The following CLVS1 variants were observed in gnomAD, a reference collection of about 807,000 sequenced individuals.
CLVS1 encodes clavesin 1.
A neutral mutation model predicts 33.1 loss-of-function variants in CLVS1; 10 were observed. That is an observed-to-expected ratio of 0.30 (90% CI 0.19 to 0.51). The LOEUF (loss-of-function observed/expected upper bound fraction) is 0.51. CLVS1 is among the 20% of genes least tolerant of loss of function. The probability of loss-of-function intolerance (pLI) is 0.97; values close to 1 mark genes in which losing one functional copy is unlikely to be tolerated. For missense variants in CLVS1, 343 were observed against 433.4 expected, an observed-to-expected ratio of 0.79 and a Z score of 1.85; for synonymous variants, 163 against 166.1, an observed-to-expected ratio of 0.98 and a Z score of 0.14.
intron 2 of CLVS1, among the ~76,000 whole-genome samples, chr8:61,161,626 G>C (rs1023283486): frequency 6.6e-6 from 1 of 152,156 alleles, no homozygotes; most frequent in African/African-American, 2.4e-5. Context: ...AGAGGAGAAT[G>C]GTATTTCACA....
At chr8:61,109,746 A>G (rs569195866) in intron 1 of CLVS1, among the ~76,000 whole-genome samples, 52 of 152,182 alleles carry the variant, frequency 3.4e-4, no homozygotes, top group Admixed American at 4.6e-4. Context: ...TTAATGGATT[A>G]CGGGTTAAGG....
chr8:61,047,905 C>T, the CLVS1 span, among the ~76,000 whole-genome samples: 3 of 151,942 alleles, frequency 2.0e-5, no homozygotes, highest in African/African-American at 4.8e-5. Context: ...AACTAACTTG[C>T]ACATTGTGCA....
At chr8:61,417,435 G>T (rs1815482240) in intron 3 of CLVS1, among the ~76,000 whole-genome samples, 1 of 151,994 alleles carries the variant, frequency 6.6e-6, no homozygotes, top group African/African-American at 2.4e-5. Context: ...TCCACCTGTT[G>T]GACTTTCTGG....
chr8:61,266,933 C>A (rs1326800498), intron 2 of CLVS1, among the ~76,000 whole-genome samples: 1 of 152,132 alleles, frequency 6.6e-6, no homozygotes, highest in African/African-American at 2.4e-5. Flanking sequence ...TGGTGAATCC[C>A]AATGCTTGTT....
At chr8:61,239,806 T>C (rs1808654294) in intron 2 of CLVS1, among the ~76,000 whole-genome samples, 1 of 152,234 alleles carries the variant, frequency 6.6e-6, no homozygotes, top group East Asian at 1.9e-4. Context: ...GTTTTTATGA[T>C]AAGCTTTCAC....
intron 5 of CLVS1, among the ~76,000 whole-genome samples, chr8:61,486,098 A>AAAAT (rs57652285): frequency 0.013 from 1,882 of 150,288 alleles, 11 homozygotes; most frequent in African/African-American, 0.016. Context: ...AAGTATAATT[A>AAAAT]AAATAAATAA....
intron 2 of CLVS1, among the ~76,000 whole-genome samples, chr8:61,365,782 T>C (rs73682275): frequency 0.028 from 3,882 of 136,738 alleles, 170 homozygotes; most frequent in African/African-American, 0.13. Flanking sequence ...TGTGCGTGTG[T>C]GTGTGTGTGT....
chr8:60,974,708 G>A, the CLVS1 span, among the ~76,000 whole-genome samples: 1 of 151,864 alleles, frequency 6.6e-6, no homozygotes, highest in African/African-American at 2.4e-5. Flanking sequence ...GAACCCGGGA[G>A]GCGGAGCTTG....
At chr8:61,498,634 A>C (rs1200401185) in intron 5 of CLVS1, among the ~76,000 whole-genome samples, 2 of 152,184 alleles carry the variant, frequency 1.3e-5, no homozygotes, top group Non-Finnish European at 2.9e-5. Context: ...AAAACTAATG[A>C]TCATTACTAG....
intron 5 of CLVS1, among the ~76,000 whole-genome samples, chr8:61,468,716 TAA>T (rs5891803): frequency 0.039 from 3,651 of 92,490 alleles, 100 homozygotes; most frequent in African/African-American, 0.1. Context: ...GTAAAAGTAC[TAA>T]AAAAAAAAAA....
At chr8:61,212,884 G>C (rs1347837092) in intron 2 of CLVS1, among the ~76,000 whole-genome samples, 2 of 152,160 alleles carry the variant, frequency 1.3e-5, no homozygotes, top group Admixed American at 6.5e-5. Flanking sequence ...TGCTTCCCTA[G>C]TGCCCTCCAT....
chr8:61,293,858 A>G (rs1310475252), intron 1 of CLVS1, among the ~76,000 whole-genome samples: 1 of 152,160 alleles, frequency 6.6e-6, no homozygotes, highest in Admixed American at 6.5e-5. Flanking sequence ...AAAGAAACCC[A>G]CAAAACAAAT....
chr8:61,470,638 C>T (rs1332123849), intron 5 of CLVS1, among the ~76,000 whole-genome samples: 2 of 152,186 alleles, frequency 1.3e-5, no homozygotes, highest in Non-Finnish European at 2.9e-5. Context: ...TTGTGCCTAA[C>T]ATCTAGCCAG....
chr8:60,971,112 G>C, the CLVS1 span, among the ~76,000 whole-genome samples: 3 of 111,312 alleles, frequency 2.7e-5, no homozygotes, highest in African/African-American at 1.1e-4. Flanking sequence ...GTCTGACTCT[G>C]TCACCCATGC....
At chr8:61,003,145 C>T in the CLVS1 span, among the ~76,000 whole-genome samples, 15 of 152,274 alleles carry the variant, frequency 9.9e-5, no homozygotes, top group African/African-American at 3.6e-4. Context: ...TCTGGGGGGT[C>T]TCTGGTTGGG....
At chr8:61,411,911 G>T (rs1043538028) in intron 3 of CLVS1, among the ~76,000 whole-genome samples, 3 of 152,186 alleles carry the variant, frequency 2.0e-5, no homozygotes, top group African/African-American at 7.2e-5. Flanking sequence ...GTATCTGAGG[G>T]TCACCCTCAT....
At position 61,104,379 on chromosome 8, in the gene CLVS1, G is replaced by A. The variant is rs533065786; in HGVS notation, c.-242-27391G>A. Among the ~76,000 whole-genome samples the A allele has an allele frequency of 1.3e-4, 20 of 152,330 alleles. 1 individual carries two copies. In the South Asian group the frequency reaches 2.3e-3, roughly 17 times the overall value. ...TGTGCTGCAGAGATATATAGGTAGCGTGTATGTCTCTCTTGCAGTAGCCAG... is the reference window on the plus strand; with the variant it reads ...TGTGCTGCAGAGATATATAGGTAGCATGTATGTCTCTCTTGCAGTAGCCAG... On this transcript the variant is annotated intron_variant, in intron 1 of 2. Coordinates refer to the CLVS1 transcript ENST00000522621.
chr8:61,087,352 G>T (rs1407745165), intron 1 of CLVS1, among the ~76,000 whole-genome samples: 1 of 152,208 alleles, frequency 6.6e-6, no homozygotes, highest in Non-Finnish European at 1.5e-5. Flanking sequence ...TTCTTGCAGA[G>T]ACCCCCAAAG....
the CLVS1 span, among the ~76,000 whole-genome samples, chr8:61,026,927 G>C: frequency 6.6e-6 from 1 of 152,020 alleles, no homozygotes. Flanking sequence ...CTTGAAAATT[G>C]AGGCCTCATC....
Sources: gnomAD v4.1 joint callset for allele counts (sites outside exome capture counted in the v4.1 genomes callset) on GRCh38, gnomAD v4.1.1 for gene constraint, MANE v1.5 for transcripts, NCBI Gene and HGNC (gene_info 2026-07-23, HGNC 2026-07-21) for gene names.